Variants in PIK3R4 observed in about 807,000 individuals in gnomAD.
PIK3R4 encodes the protein phosphoinositide 3-kinase regulatory subunit 4.
PIK3R4 carries 46 observed loss-of-function variants against 136.5 expected under a neutral mutation model. The observed-to-expected ratio is 0.34, with a 90% CI of 0.27 to 0.43. PIK3R4 has a LOEUF of 0.43. Ranked by LOEUF, PIK3R4 falls within the 20% of genes least tolerant of loss-of-function variation. The pLI is 1.00. For missense variants in PIK3R4, 1,331 were observed against 1,649.5 expected (o/e 0.81, Z 3.35); for synonymous variants, 557 against 566.7 (o/e 0.98, Z 0.24).
At chr3:130,730,734 C>T (rs1243470317) in intron 4 of PIK3R4, among the ~76,000 whole-genome samples, 1 of 150,022 alleles carries the variant, frequency 6.7e-6, no homozygotes, top group Non-Finnish European at 1.5e-5. Flanking sequence ...TAATTCTCTG[C>T]AGGGACTTAC....
At chr3:130,741,343 T>C (rs1189239998) in intron 2 of PIK3R4, among the ~76,000 whole-genome samples, 1 of 152,202 alleles carries the variant, frequency 6.6e-6, no homozygotes, top group Non-Finnish European at 1.5e-5. Context: ...AAACCAACCC[T>C]GTTAGCTTGA....
chr3:130,697,162 C>T (rs564843416), intron 13 of PIK3R4, among the ~76,000 whole-genome samples: 4 of 150,366 alleles, frequency 2.7e-5, no homozygotes, highest in Admixed American at 6.7e-5. Flanking sequence ...CCCCACCTCC[C>T]GGGTTCAAGC....
chr3:130,722,358 C>G (rs1240883605), intron 7 of PIK3R4, among the ~76,000 whole-genome samples: 1 of 151,952 alleles, frequency 6.6e-6, no homozygotes, highest in African/African-American at 2.4e-5. Flanking sequence ...TATGAGCACT[C>G]CATATATTCA....
intron 6 of PIK3R4, among the ~76,000 whole-genome samples, chr3:130,725,526 G>A (rs1001716821): frequency 2.0e-5 from 3 of 150,832 alleles, no homozygotes; most frequent in African/African-American, 7.3e-5. Flanking sequence ...AAAAAGACAA[G>A]CACACAACAG....
chr3:130,739,353 G>C (rs1478186328), intron 2 of PIK3R4, among the ~76,000 whole-genome samples: 1 of 151,648 alleles, frequency 6.6e-6, no homozygotes, highest in African/African-American at 2.4e-5. Flanking sequence ...TGGGATTACA[G>C]GCGTGAGCGA....
At chr3:130,688,081 A>G (rs2066498604) in intron 14 of PIK3R4, among the ~76,000 whole-genome samples, 2 of 152,196 alleles carry the variant, frequency 1.3e-5, no homozygotes, top group Admixed American at 1.3e-4. Context: ...ACATGTATAT[A>G]TTTATGCCTA....
chr3:130,711,220 CACACACGCACGCACACACACACAG>C (rs1443000304), intron 9 of PIK3R4, among the ~76,000 whole-genome samples: 1 of 152,034 alleles, frequency 6.6e-6, no homozygotes, highest in Admixed American at 6.6e-5. Context: ...AACACACACA[CACACACGCACGCACACACACACAG>C]ACACACACTT....
chr3:130,744,575 A>G lies in PIK3R4; in HGVS notation c.644T>C (p.Met215Thr). The change falls in exon 2 of 20, where the codon ATG becomes ACG. Residue 215 changes from methionine (M) to threonine (T), a missense_variant. This residue lies in a region of PIK3R4 where 1,180 missense variants were observed against 1,407.0 expected (regional missense o/e 0.84). Coordinates refer to ENST00000356763, the MANE Select transcript of PIK3R4 (RefSeq NM_014602.3). Reference sequence around the variant, plus strand: ...TACAAGCGGAGTTGAAGGATCTCTCATATATTCTAACTCAGTGGCAAACAT... The same window carrying G: ...TACAAGCGGAGTTGAAGGATCTCTCGTATATTCTAACTCAGTGGCAAACAT... Reference protein sequence around the residue: ...GGMFATELEYMRDPSTPLVDL... With the variant: ...GGMFATELEYTRDPSTPLVDL... The G allele has an allele frequency of 6.2e-7, 1 of 1,614,240 alleles. No individual in the cohort carries two copies. Among genetic ancestry groups the G allele is most frequent in the African/African-American group, 1.3e-5 (1 of 75,070 alleles).
intron 13 of PIK3R4, among the ~76,000 whole-genome samples, chr3:130,692,357 C>G (rs1485536040): frequency 5.3e-5 from 8 of 152,164 alleles, no homozygotes; most frequent in Admixed American, 5.2e-4. Flanking sequence ...CATTAGCATT[C>G]ATTCCTTATT....
intron 15 of PIK3R4, among the ~76,000 whole-genome samples, chr3:130,684,853 TA>T (rs2066480557): frequency 6.6e-6 from 1 of 152,216 alleles, no homozygotes; most frequent in Non-Finnish European, 1.5e-5. Context: ...CCTTCCCTCT[TA>T]AACATTCTAT....
intron 9 of PIK3R4, among the ~76,000 whole-genome samples, chr3:130,709,503 T>A (rs117948149): frequency 1.3e-5 from 2 of 152,128 alleles, no homozygotes; most frequent in East Asian, 3.8e-4. Flanking sequence ...TAAAATTGCA[T>A]TAAAGTACAA....
Position 130,686,227 on chromosome 3 carries a change from T to C in PIK3R4, c.3459A>G (p.Gln1153=), listed in dbSNP as rs148153534. 1.5e-3 allele frequency: 2,391 copies of C among 1,611,692 alleles called. 4 individuals carry two copies. The highest frequency in any genetic ancestry group is 4.1e-3 in the Middle Eastern group (25 of 6,046). ...TTAGCTTACCAATGCAGAGCCAGCA[T>C]TGGTGGATGTCCACAGCAAAGGAAG... ...LITSFAVDIH[Q]CWLCIGTSSG... Residue 1153 remains glutamine (Q), a synonymous_variant, in exon 15 of 20, where the codon CAA becomes CAG. Coordinates refer to ENST00000356763, the MANE Select transcript of PIK3R4 (RefSeq NM_014602.3).
chr3:130,714,656 T>A (rs554960540), intron 9 of PIK3R4, among the ~76,000 whole-genome samples: 2 of 148,908 alleles, frequency 1.3e-5, no homozygotes, highest in South Asian at 2.3e-4. Context: ...CCTATGTTCA[T>A]GTGTTCTCAC....
Position 130,735,978 on chromosome 3 carries a change from G to A in PIK3R4, c.758C>T (p.Thr253Ile). The A allele has an allele frequency of 4.3e-6, 7 of 1,610,242 alleles. No individual in the cohort carries two copies. The highest frequency in any genetic ancestry group is 5.9e-6 in the Non-Finnish European group (7 of 1,178,692). The change falls in exon 3 of 20, where the codon ACA (threonine) becomes ATA (isoleucine). Residue 253 changes from threonine to isoleucine, a missense_variant. By Grantham distance (89) the Thr-to-Ile change is moderately conservative (BLOSUM62 -1). This residue lies in a region of PIK3R4 where 1,180 missense variants were observed against 1,407.0 expected (regional missense o/e 0.84). Coordinates refer to ENST00000356763, the MANE Select transcript of PIK3R4 (RefSeq NM_014602.3). ...GAGATCAAATAATGGTACACCTTCT[G>A]TAAAAAGCTCAGCTATCACACAACC... ...SAGCVIAELFTEGVPLFDLSQ... is the reference protein window; with the variant it reads ...SAGCVIAELFIEGVPLFDLSQ...
chr3:130,737,432 G>T (rs1306379697), intron 2 of PIK3R4, among the ~76,000 whole-genome samples: 1 of 152,182 alleles, frequency 6.6e-6, no homozygotes. Flanking sequence ...GGCCAAGGCA[G>T]GTAGATCACT....
chr3:130,679,583 T>TTTAAG (rs766228887), intron 19 of PIK3R4, 98 bp from the exon 20 acceptor site: 3 of 804,268 alleles, frequency 3.7e-6, no homozygotes, highest in Non-Finnish European at 6.0e-6. Flanking sequence ...TGTTGTTGTA[T>TTTAAG]TTAAGTTAAC....
At chr3:130,741,529 G>A (rs1412219246) in intron 2 of PIK3R4, among the ~76,000 whole-genome samples, 1 of 152,102 alleles carries the variant, frequency 6.6e-6, no homozygotes, top group African/African-American at 2.4e-5. Context: ...ATTTCCCTGT[G>A]GAACAACTTG....
At chr3:130,690,047 A>G (rs1208997808) in intron 14 of PIK3R4, among the ~76,000 whole-genome samples, 1 of 152,246 alleles carries the variant, frequency 6.6e-6, no homozygotes, top group Admixed American at 6.5e-5. Flanking sequence ...GTCCCCATCA[A>G]CTTCAGAGAT....
intron 9 of PIK3R4, among the ~76,000 whole-genome samples, chr3:130,709,618 T>C (rs921739831): frequency 5.3e-5 from 8 of 152,170 alleles, no homozygotes; most frequent in Non-Finnish European, 1.2e-4. Context: ...ATAGCTACCT[T>C]ATAGCTAAAG....
Sources: allele counts gnomAD v4.1 joint callset (sites outside exome capture counted in the v4.1 genomes callset), GRCh38; gene constraint gnomAD v4.1.1; regional missense constraint gnomAD v4.1.1; transcripts MANE v1.5; gene names NCBI Gene and HGNC (gene_info 2026-07-23, HGNC 2026-07-21).